The following RNF128 variants were observed in gnomAD, a reference collection of about 807,000 sequenced individuals.
RNF128 encodes the protein ring finger protein 128, also known as E3 ubiquitin-protein ligase RNF128.
RNF128 carries 13 observed loss-of-function variants against 26.2 expected under a neutral mutation model. That is an observed-to-expected ratio of 0.50 (90% CI 0.32 to 0.79). The LOEUF is 0.79. Ranked by LOEUF, RNF128 falls within the 30% of genes least tolerant of loss-of-function variation. The pLI is 0.03. For missense variants in RNF128, 315 were observed against 349.7 expected (o/e 0.90, Z 0.79); for synonymous variants, 149 against 142.5 (o/e 1.05, Z -0.32).
intron 1 of RNF128, among the ~76,000 whole-genome samples, chrX:106,710,352 T>C (rs1222141872): frequency 8.9e-6 from 1 of 112,415 alleles, no homozygotes; most frequent in East Asian, 2.8e-4. Context: ...CAATTATGGA[T>C]AATACATTAG....
At chrX:106,762,470 C>A (rs186464234) in intron 1 of RNF128, among the ~76,000 whole-genome samples, 1 of 110,481 alleles carries the variant, frequency 9.1e-6, no homozygotes, top group African/African-American at 3.3e-5. Flanking sequence ...TGCACTGCCA[C>A]GCCTGGCTAA....
rs757741595 is a variant in RNF128 at position 106,791,053 on chromosome X, A to G, written c.985-13A>G. ...CACTGAGAGGCTTTTAATTTGTTAC[A>G]TGTTCTTTAAAGGTGGATGTTGAAG... On this transcript the variant is annotated splice_polypyrimidine_tract_variant and intron_variant, in intron 5 of 6. Coordinates refer to ENST00000255499, the MANE Select transcript of RNF128 (RefSeq NM_194463.2). 5.0e-6 allele frequency: 6 copies of G among 1,197,857 alleles called. No homozygotes were observed. The highest frequency in any genetic ancestry group is 4.4e-5 in the Admixed American group (2 of 45,055).
chrX:106,775,920 A>G (rs1368344044), intron 2 of RNF128, among the ~76,000 whole-genome samples: 1 of 112,090 alleles, frequency 8.9e-6, no homozygotes, highest in Non-Finnish European at 1.9e-5. Context: ...GTAACCATAA[A>G]TTCTGATGAC....
intron 4 of RNF128, among the ~76,000 whole-genome samples, chrX:106,788,666 TATA>T (rs1394984271): frequency 1.5e-5 from 1 of 66,077 alleles, no homozygotes; most frequent in African/African-American, 6.3e-5. Context: ...ATATATACTA[TATA>T]ATATAGTATA....
At chrX:106,744,695 G>A (rs765814863) in intron 1 of RNF128, among the ~76,000 whole-genome samples, 13 of 111,096 alleles carry the variant, frequency 1.2e-4, no homozygotes, top group Admixed American at 7.7e-4. Context: ...TCCTGACCTC[G>A]TGATCCACCC....
chrX:106,752,459 A>G (rs1929911681), intron 1 of RNF128, among the ~76,000 whole-genome samples: 1 of 112,813 alleles, frequency 8.9e-6, no homozygotes, highest in African/African-American at 3.2e-5. Context: ...CAGTACCTCT[A>G]CTAGTCTGCA....
intron 1 of RNF128, among the ~76,000 whole-genome samples, chrX:106,708,979 T>C (rs987215154): frequency 9.0e-6 from 1 of 111,528 alleles, no homozygotes; most frequent in Non-Finnish European, 1.9e-5. Context: ...AATTGTGGGG[T>C]CTTTTTTTGT....
chrX:106,726,386 T>C (rs1418443058), upstream of RNF128, among the ~76,000 whole-genome samples: 2 of 111,549 alleles, frequency 1.8e-5, no homozygotes. Flanking sequence ...CTTCACATTC[T>C]GGCACCGTAA....
intron 1 of RNF128, among the ~76,000 whole-genome samples, chrX:106,705,959 G>C (rs768928411): frequency 1.6e-4 from 18 of 111,942 alleles, no homozygotes; most frequent in African/African-American, 5.5e-4. Context: ...AGTGTGATTT[G>C]ATTGTTTCAC....
upstream of RNF128, among the ~76,000 whole-genome samples, chrX:106,725,766 G>A (rs1475806992): frequency 8.9e-6 from 1 of 112,624 alleles, no homozygotes; most frequent in African/African-American, 3.2e-5. Context: ...GAGCCACAGG[G>A]AAGTTCCCCA....
At chrX:106,718,636 C>T (rs1335324516) in intron 1 of RNF128, among the ~76,000 whole-genome samples, 4 of 110,497 alleles carry the variant, frequency 3.6e-5, no homozygotes, top group Middle Eastern at 4.7e-3. Context: ...TTGATGTTCC[C>T]GTTAGTATTT....
chrX:106,783,852 G>A (rs1244390584), intron 2 of RNF128, among the ~76,000 whole-genome samples: 1 of 110,566 alleles, frequency 9.0e-6, no homozygotes, highest in African/African-American at 3.3e-5. Context: ...GAGAGAGGGA[G>A]CAGGCGCCAG....
At chrX:106,787,244 G>C (rs1255213379) in intron 3 of RNF128, among the ~76,000 whole-genome samples, 1 of 111,565 alleles carries the variant, frequency 9.0e-6, no homozygotes, top group Non-Finnish European at 1.9e-5. Flanking sequence ...ACATATCATG[G>C]TATACTATTT....
chrX:106,734,205 G>C (rs1277977994), intron 1 of RNF128, among the ~76,000 whole-genome samples: 1 of 111,044 alleles, frequency 9.0e-6, no homozygotes, highest in African/African-American at 3.3e-5. Context: ...CAGAAAGGAA[G>C]TGAAAAAATG....
chrX:106,701,426 T>C (rs1928953600), intron 1 of RNF128, among the ~76,000 whole-genome samples: 2 of 111,632 alleles, frequency 1.8e-5, no homozygotes, highest in Admixed American at 9.6e-5. Flanking sequence ...TGAATATATA[T>C]GTATATATGC....
chrX:106,727,127 G>A lies in RNF128; in HGVS notation c.214G>A (p.Gly72Ser). The stretch of plus-strand genomic sequence containing the variant: ...GGAGCTGAGCGAGGAGGGCGTGTAC[G>A]GCCAGGACTCGCCGCTGGAGCCTGT... Reference protein sequence around the residue: ...VWELSEEGVYGQDSPLEPVAG... With the variant: ...VWELSEEGVYSQDSPLEPVAG... Residue 72 changes from glycine to serine, a missense_variant, in exon 1 of 7, where the codon GGC (glycine) becomes AGC (serine). Gly to Ser is a moderately conservative substitution (Grantham distance 56). Coordinates refer to ENST00000255499, the MANE Select transcript of RNF128 (RefSeq NM_194463.2). The A allele has an allele frequency of 8.3e-7, 1 of 1,207,357 alleles. No homozygotes were observed. The highest frequency in any genetic ancestry group is 1.1e-6 in the Non-Finnish European group (1 of 893,801).
At chrX:106,695,615 T>G (rs1928863555) in intron 1 of RNF128, among the ~76,000 whole-genome samples, 1 of 111,978 alleles carries the variant, frequency 8.9e-6, no homozygotes, top group Non-Finnish European at 1.9e-5. Flanking sequence ...CATTTTATAT[T>G]ATTTTCTAGC....
At chrX:106,750,584 A>G (rs1237637546) in intron 1 of RNF128, among the ~76,000 whole-genome samples, 1 of 111,774 alleles carries the variant, frequency 8.9e-6, no homozygotes, top group African/African-American at 3.3e-5. Flanking sequence ...GGAAATAAAC[A>G]AAAACATCAC....
At chrX:106,790,381 A>G (rs1014582794) in intron 5 of RNF128, 99 bp downstream of exon 5, 31 of 514,249 alleles carry the variant, frequency 6.0e-5, no homozygotes, top group Non-Finnish European at 6.3e-5. Flanking sequence ...AATACACCAT[A>G]CTTATAGTTT....
Sources: gnomAD v4.1 joint callset for allele counts (sites outside exome capture counted in the v4.1 genomes callset) on GRCh38, gnomAD v4.1.1 for gene constraint, MANE v1.5 for transcripts, NCBI Gene and HGNC (gene_info 2026-07-23, HGNC 2026-07-21) for gene names.